Variants in LPP observed in about 807,000 individuals in gnomAD.
LPP encodes the protein lipoma-preferred partner.
LPP carries 38 observed loss-of-function variants against 60.4 expected under a neutral mutation model. That is an observed-to-expected ratio of 0.63 (90% CI 0.49 to 0.83). The LOEUF (loss-of-function observed/expected upper bound fraction) is 0.83. Ranked by LOEUF, LPP falls within the 40% of genes least tolerant of loss-of-function variation. The pLI is 0.00. For missense variants in LPP, 902 were observed against 783.6 expected (o/e 1.15, Z -1.80); for synonymous variants, 328 against 290.8 (o/e 1.13, Z -1.30).
At chr3:188,786,370 G>A (rs1359246832) in intron 9 of LPP, among the ~76,000 whole-genome samples, 1 of 122,618 alleles carries the variant, frequency 8.2e-6, no homozygotes, top group Non-Finnish European at 1.6e-5. Context: ...GCAACAGCGT[G>A]AGACTCCGTC....
chr3:188,592,851 T>C (rs1177442265), intron 6 of LPP, among the ~76,000 whole-genome samples: 1 of 152,138 alleles, frequency 6.6e-6, no homozygotes, highest in Non-Finnish European at 1.5e-5. Context: ...ATCATTGTTT[T>C]AATGAATACA....
intron 7 of LPP, among the ~76,000 whole-genome samples, chr3:188,694,115 A>G (rs1324317928): frequency 6.6e-6 from 1 of 152,192 alleles, no homozygotes; most frequent in Non-Finnish European, 1.5e-5. Context: ...AGAAAGGCCT[A>G]AGTTGTTGTA....
At position 188,881,422 on chromosome 3, in the gene LPP, C is replaced by T. The variant is rs1770004576; in HGVS notation, c.*6943C>T. On this transcript the variant is annotated 3_prime_UTR_variant, in exon 12 of 12. Transcript: ENST00000617246. ...TGCTTCTTTAAACAGTGGACACAAA[C>T]ATATTTTCTAATTTTCAGTGTACTC... 2 of 206,310 alleles carry T rather than the reference C, an allele frequency of 9.7e-6. No homozygotes were observed. Among genetic ancestry groups the T allele is most frequent in the Non-Finnish European group, 2.0e-5 (2 of 100,650 alleles). The allele number at this position is 206,310 out of a possible 1,614,324, so 12.8% of individuals were successfully genotyped here.
At chr3:188,394,407 A>G (rs765869968) in intron 3 of LPP, among the ~76,000 whole-genome samples, 6 of 152,202 alleles carry the variant, frequency 3.9e-5, no homozygotes, top group Non-Finnish European at 8.8e-5. Flanking sequence ...GACATGTACA[A>G]ATGAACTCAC....
At chr3:188,493,106 G>T (rs1482598885) in intron 5 of LPP, among the ~76,000 whole-genome samples, 2 of 151,962 alleles carry the variant, frequency 1.3e-5, no homozygotes, top group African/African-American at 2.4e-5. Flanking sequence ...TTATGGGAAG[G>T]CTACATGCTT....
intron 9 of LPP, among the ~76,000 whole-genome samples, chr3:188,840,200 T>G (rs971861809): frequency 1.4e-4 from 21 of 152,186 alleles, no homozygotes; most frequent in African/African-American, 5.1e-4. Context: ...CAGCTATTGA[T>G]GAGGTCAGGG....
chr3:188,772,046 G>A (rs1056713528), intron 9 of LPP, among the ~76,000 whole-genome samples: 2 of 152,196 alleles, frequency 1.3e-5, no homozygotes, highest in African/African-American at 4.8e-5. Context: ...GGGACAGCAG[G>A]GAGTTGGGAG....
chr3:188,721,467 T>A (rs1560113780), intron 8 of LPP, among the ~76,000 whole-genome samples: 1 of 152,032 alleles, frequency 6.6e-6, no homozygotes, highest in Admixed American at 6.6e-5. Flanking sequence ...GATAGGAGGA[T>A]CACTTAAGCA....
At chr3:188,393,831 GT>G (rs1439678766) in intron 3 of LPP, among the ~76,000 whole-genome samples, 1 of 152,002 alleles carries the variant, frequency 6.6e-6, no homozygotes, top group African/African-American at 2.4e-5. Flanking sequence ...TACCAATTTT[GT>G]TTTTTTCTTC....
At chr3:188,296,793 G>T (rs895942705) in intron 2 of LPP, among the ~76,000 whole-genome samples, 13 of 152,192 alleles carry the variant, frequency 8.5e-5, no homozygotes, top group Admixed American at 2.0e-4. Context: ...TCCCAACCAT[G>T]AAGAGCAGGG....
chr3:188,837,170 A>T (rs1490828458), intron 9 of LPP, among the ~76,000 whole-genome samples: 3 of 152,022 alleles, frequency 2.0e-5, no homozygotes, highest in Non-Finnish European at 4.4e-5. Flanking sequence ...TCACAAGGTC[A>T]GGAGTTCGAG....
intron 5 of LPP, among the ~76,000 whole-genome samples, chr3:188,495,146 TTATATTTATA>T: frequency 1.6e-5 from 2 of 124,646 alleles, no homozygotes; most frequent in African/African-American, 5.8e-5. Flanking sequence ...TATATTTATA[TTATATTTATA>T]TTTATTTATA....
chr3:188,515,614 T>C (rs1308699655), intron 5 of LPP, among the ~76,000 whole-genome samples: 2 of 152,204 alleles, frequency 1.3e-5, no homozygotes, highest in Non-Finnish European at 2.9e-5. Context: ...CTTCAGATTA[T>C]GGAAATGTAT....
intron 9 of LPP, among the ~76,000 whole-genome samples, chr3:188,776,694 A>G (rs1394481418): frequency 1.3e-5 from 2 of 152,234 alleles, no homozygotes; most frequent in Non-Finnish European, 1.5e-5. Context: ...AAGCTATGAA[A>G]GAAGCACTGA....
At chr3:188,271,665 T>G (rs1220196061) in intron 2 of LPP, among the ~76,000 whole-genome samples, 1 of 152,234 alleles carries the variant, frequency 6.6e-6, no homozygotes, top group Admixed American at 6.5e-5. Context: ...TTCAACAGAC[T>G]AAAATTGTCT....
At chr3:188,205,432 C>A (rs1732918963) in intron 1 of LPP, among the ~76,000 whole-genome samples, 1 of 151,892 alleles carries the variant, frequency 6.6e-6, no homozygotes, top group South Asian at 2.1e-4. Flanking sequence ...CAGGTGCACA[C>A]CACCACACCC....
chr3:188,244,586 A>C (rs1726192171), intron 2 of LPP, among the ~76,000 whole-genome samples: 3 of 152,194 alleles, frequency 2.0e-5, no homozygotes, highest in Non-Finnish European at 4.4e-5. Flanking sequence ...AATACTCCCT[A>C]GGGACTTTCT....
intron 2 of LPP, among the ~76,000 whole-genome samples, chr3:188,320,231 C>A (rs768476725): frequency 6.6e-6 from 1 of 152,180 alleles, no homozygotes; most frequent in Admixed American, 6.5e-5. Flanking sequence ...AACACATTTG[C>A]AAATTGGTGG....
intron 4 of LPP, among the ~76,000 whole-genome samples, chr3:188,454,829 G>A (rs538504151): frequency 2.6e-5 from 4 of 152,214 alleles, no homozygotes; most frequent in African/African-American, 4.8e-5. Context: ...GATCTCCCAC[G>A]GCATCCCTCC....
Sources: gnomAD v4.1 joint callset for allele counts (sites outside exome capture counted in the v4.1 genomes callset) on GRCh38, gnomAD v4.1.1 for gene constraint, MANE v1.5 for transcripts, NCBI Gene and HGNC (gene_info 2026-07-23, HGNC 2026-07-21) for gene names.